Variants in SLC28A1 observed in about 807,000 individuals in gnomAD.
The protein encoded by SLC28A1 is solute carrier family 28 member 1.
A neutral mutation model predicts 74.8 loss-of-function variants in SLC28A1; 64 were observed. That is an observed-to-expected ratio of 0.86 (90% confidence interval 0.70 to 1.05). The LOEUF is 1.05. Ranked by LOEUF, SLC28A1 falls within the 50% of genes least tolerant of loss-of-function variation. The pLI, the probability that SLC28A1 is intolerant of heterozygous loss-of-function variation, is 0.00. For synonymous variants in SLC28A1, 359 were observed against 335.0 expected (o/e 1.07, Z -0.78); for missense variants, 828 against 822.8 (o/e 1.01, Z -0.08).
At chr15:84,946,084 TCATATATATA>T (rs1274947344), downstream of SLC28A1, among the ~76,000 whole-genome samples, 14 of 27,548 alleles carry the variant, frequency 5.1e-4, 1 homozygote, top group East Asian at 3.6e-3. Flanking sequence ...GTGTGTATGT[TCATATATATA>T]TATATATATA....
intron 12 of SLC28A1, among the ~76,000 whole-genome samples, chr15:84,925,327 A>G (rs7165885): frequency 0.54 from 82,509 of 151,684 alleles, 23,095 homozygotes; most frequent in Middle Eastern, 0.73. Context: ...TCTTGGGCCC[A>G]CCCTAGACCT....
intron 12 of SLC28A1, chr15:84,926,400 G>A: frequency 4.6e-6 from 1 of 218,678 alleles, no homozygotes. Context: ...ACGGGATCTT[G>A]CTATGTTGCT....
chr15:84,918,472 C>A, intron 9 of SLC28A1, 52 bp from the exon 10 acceptor site: 1 of 1,466,528 alleles, frequency 6.8e-7, no homozygotes, highest in Non-Finnish European at 9.6e-7. Context: ...CGCCTGGCAC[C>A]CTGCATCCTG....
the SLC28A1 span, among the ~76,000 whole-genome samples, chr15:84,962,911 C>T: frequency 2.9e-3 from 441 of 152,204 alleles, 1 homozygote; most frequent in Non-Finnish European, 3.6e-3. Flanking sequence ...AGCTTTCGCC[C>T]CTCCCTCACA....
chr15:84,946,866 C>A (rs2079250914), downstream of SLC28A1, among the ~76,000 whole-genome samples: 1 of 152,196 alleles, frequency 6.6e-6, no homozygotes, highest in Admixed American at 6.5e-5. Flanking sequence ...TCTCAGTTCT[C>A]ATTTTCCCCA....
At chr15:84,947,067 T>C (rs1353320756), downstream of SLC28A1, among the ~76,000 whole-genome samples, 2 of 152,222 alleles carry the variant, frequency 1.3e-5, no homozygotes, top group African/African-American at 2.4e-5. Flanking sequence ...CTGTTTCTGT[T>C]CTGCCACAGA....
Position 84,944,661 on chromosome 15 carries a change from G to C in SLC28A1, c.1759G>C (p.Ala587Pro), listed in dbSNP as rs114788718. The C allele has an allele frequency of 2.5e-6, 4 of 1,611,578 alleles. No individual in the cohort carries two copies. In the Admixed American group the frequency reaches 5.0e-5, roughly 20 times the overall value. The change falls in exon 17 of 19, where the codon GCA becomes CCA. Residue 587 changes from alanine to proline, a missense_variant. Physicochemically the swap from Ala to Pro is conservative, Grantham distance 27. This residue lies in a region of SLC28A1 where 767 missense variants were observed against 753.5 expected (regional missense o/e 1.02). Coordinates refer to ENST00000394573, the MANE Select transcript of SLC28A1 (RefSeq NM_004213.5). ...TGTGTCCCTGGTGAACGCCTGTATG[G>C]CAGGTGAGTGCAGGCCTGGCAGGCT... ...ACVSLVNACM[A>P]GILYMPRGAE...
In SLC28A1 at chr15:84,894,951, T is replaced by G; in HGVS notation, c.289T>G (p.Phe97Val). Reference sequence around the variant, plus strand: ...GTCTCATCCCCCAGGGCTCTCTGCCTTCCTGCTGGTGGCCTGCCTCCTGGA... The same window carrying G: ...GTCTCATCCCCCAGGGCTCTCTGCCGTCCTGCTGGTGGCCTGCCTCCTGGA... ...TGLLCTGLSA[F>V]LLVACLLDFQ... Residue 97 changes from phenylalanine to valine, a missense_variant, in exon 6 of 19, where the codon TTC becomes GTC. Phe to Val is a conservative substitution (Grantham distance 50). Around this residue, in one of 3 missense-constraint regions of SLC28A1, gnomAD observed 767 missense variants for 753.5 expected, o/e 1.02. Coordinates refer to ENST00000394573, the MANE Select transcript of SLC28A1 (RefSeq NM_004213.5). 6.2e-7 allele frequency: 1 copy of G among 1,614,124 alleles called. No homozygotes were observed.
At chr15:84,917,721 T>G (rs1246580162) in intron 9 of SLC28A1, among the ~76,000 whole-genome samples, 1 of 152,214 alleles carries the variant, frequency 6.6e-6, no homozygotes, top group Non-Finnish European at 1.5e-5. Flanking sequence ...TGACCTTTAG[T>G]GCACTAGGGT....
intron 9 of SLC28A1, among the ~76,000 whole-genome samples, chr15:84,911,136 G>A (rs371108834): frequency 2.5e-4 from 38 of 152,070 alleles, no homozygotes; most frequent in African/African-American, 7.5e-4. Flanking sequence ...GCCTTCCCCC[G>A]CCCACCACTG....
chr15:84,925,329 C>T (rs985809654), intron 12 of SLC28A1, among the ~76,000 whole-genome samples: 1 of 151,912 alleles, frequency 6.6e-6, no homozygotes, highest in Non-Finnish European at 1.5e-5. Context: ...TTGGGCCCAC[C>T]CTAGACCTGC....
At chr15:84,905,476 C>A in intron 7 of SLC28A1, 63 bp from the exon 8 acceptor site, 1 of 1,161,954 alleles carries the variant, frequency 8.6e-7, no homozygotes. Flanking sequence ...CTCTCACCCC[C>A]ACCCGGCTCC....
intron 9 of SLC28A1, among the ~76,000 whole-genome samples, chr15:84,911,728 G>T (rs12909213): frequency 6.6e-6 from 1 of 151,666 alleles, no homozygotes; most frequent in Admixed American, 6.6e-5. Flanking sequence ...GCATGGTGGC[G>T]GGCGCTTGTA....
the SLC28A1 span, among the ~76,000 whole-genome samples, chr15:84,962,852 A>G: frequency 1.3e-5 from 2 of 152,226 alleles, no homozygotes; most frequent in Non-Finnish European, 2.9e-5. Context: ...ACAAGGCCTT[A>G]GAGGACATGG....
intron 9 of SLC28A1, among the ~76,000 whole-genome samples, chr15:84,914,472 G>T (rs953653160): frequency 2.0e-5 from 3 of 152,226 alleles, no homozygotes; most frequent in Non-Finnish European, 4.4e-5. Flanking sequence ...GGCATGGCAG[G>T]ACCTTGGCAA....
At chr15:84,896,100 G>A in intron 6 of SLC28A1, 1 of 353,756 alleles carries the variant, frequency 2.8e-6, no homozygotes, top group Non-Finnish European at 4.0e-6. Flanking sequence ...GGACTGATAG[G>A]AAGTTTCCTT....
At chr15:84,975,401 C>G in the SLC28A1 span, 1 of 445,528 alleles carries the variant, frequency 2.2e-6, no homozygotes, top group African/African-American at 2.0e-5. Flanking sequence ...TTGCACTTCT[C>G]AGAACATCTC....
intron 11 of SLC28A1, 120 bp from the exon 12 acceptor site, chr15:84,923,865 C>G: frequency 7.5e-7 from 1 of 1,334,976 alleles, no homozygotes; most frequent in Non-Finnish European, 1.1e-6. Context: ...AGACCCTGGT[C>G]CTTACCCCAT....
intron 11 of SLC28A1, among the ~76,000 whole-genome samples, chr15:84,923,784 C>T (rs1244771284): frequency 3.3e-5 from 5 of 151,328 alleles, no homozygotes; most frequent in South Asian, 4.2e-4. Context: ...ATTGTCAGGC[C>T]GGGAGGGAGG....
Sources: allele counts gnomAD v4.1 joint callset (sites outside exome capture counted in the v4.1 genomes callset), GRCh38; gene constraint gnomAD v4.1.1; regional missense constraint gnomAD v4.1.1; transcripts MANE v1.5; gene names NCBI Gene and HGNC (gene_info 2026-07-23, HGNC 2026-07-21).